PACS2: variants seen among roughly 807,000 people sequenced by gnomAD.
The protein encoded by PACS2 is phosphofurin acidic cluster sorting protein 2.
In PACS2, 36 loss-of-function variants were observed where a neutral mutation model predicts 113.0. That is an observed-to-expected ratio of 0.32 (90% CI 0.24 to 0.42). The LOEUF is 0.42. PACS2 is among the 10% of genes least tolerant of loss of function. The probability of loss-of-function intolerance (pLI) is 1.00; values close to 1 mark genes in which losing one functional copy is unlikely to be tolerated. For missense variants in PACS2, 1,015 were observed against 1,239.5 expected, an observed-to-expected ratio of 0.82 and a Z score of 2.72; for synonymous variants, 589 against 536.1, an observed-to-expected ratio of 1.10 and a Z score of -1.36.
intron 8 of PACS2, among the ~76,000 whole-genome samples, chr14:105,375,935 G>T (rs2061338833): frequency 6.6e-6 from 1 of 152,240 alleles, no homozygotes; most frequent in African/African-American, 2.4e-5. Context: ...ATAAAGGAAA[G>T]AGGTTTAGTT....
At chr14:105,388,700 A>C (rs782365574) in intron 19 of PACS2, 4 of 152,280 alleles carry the variant, frequency 2.6e-5, no homozygotes, top group Non-Finnish European at 5.9e-5. Flanking sequence ...GCTCCTCTGC[A>C]CTGTGTGTGC....
At position 105,376,778 on chromosome 14, in the gene PACS2, C is replaced by T. The variant is rs781996736; in HGVS notation, c.812C>T (p.Ser271Leu). 1.3e-5 allele frequency: 21 copies of T among 1,612,584 alleles called. No individual in the cohort carries two copies. The highest frequency in any genetic ancestry group is 3.3e-5 in the Admixed American group (2 of 59,964). ...RFKVSDEVLD[S>L]EQDPAEHIPE... ...CTGGCACCCGTGCAGGTCCTGGACT[C>T]GGAGCAGGACCCTGCGGAGCACATC... The change falls in exon 9 of 25, where the codon TCG becomes TTG. Residue 271 changes from serine to leucine, a missense_variant. Around this residue, in one of 3 missense-constraint regions of PACS2, gnomAD observed 859 missense variants for 1,056.8 expected, o/e 0.81. Coordinates refer to ENST00000447393, the MANE Select transcript of PACS2 (RefSeq NM_001100913.3). This position sits in a 1 kb window ranked among gnomAD's most constrained non-coding sequence, Gnocchi z 4.7.
chr14:105,392,592 G>A (rs1479908025), intron 22 of PACS2, 27 bp from the exon 23 acceptor site: 2 of 1,565,680 alleles, frequency 1.3e-6, no homozygotes, highest in Non-Finnish European at 1.7e-6. Flanking sequence ...AGATGCAGGT[G>A]TGAATGCCTC....
chr14:105,327,951 C>T (rs2059182465), intron 1 of PACS2, among the ~76,000 whole-genome samples: 1 of 152,190 alleles, frequency 6.6e-6, no homozygotes, highest in South Asian at 2.1e-4. Flanking sequence ...CCGGCCCAGG[C>T]CACCCGAGGG....
chr14:105,365,170 G>C lies in PACS2; in HGVS notation c.424-2043G>C, dbSNP rs1267938063. On this transcript the variant is annotated intron_variant, in intron 4 of 24. Coordinates refer to ENST00000447393, the MANE Select transcript of PACS2 (RefSeq NM_001100913.3). This position sits in a 1 kb window ranked among gnomAD's most constrained non-coding sequence, Gnocchi z 5.1. ...GCATCTGCTGGACTAACCCGGGAGGGTGGTCTCAGGGTCAGCAGGGGCAGG... is the reference window on the plus strand; with the variant it reads ...GCATCTGCTGGACTAACCCGGGAGGCTGGTCTCAGGGTCAGCAGGGGCAGG... Among the ~76,000 whole-genome samples, 1 of 152,230 alleles carries C rather than the reference G, an allele frequency of 6.6e-6. No homozygotes were observed. Among genetic ancestry groups the C allele is most frequent in the African/African-American group, 2.4e-5 (1 of 41,460 alleles).
chr14:105,307,819 T>G (rs922194060), intron 1 of PACS2, among the ~76,000 whole-genome samples: 13 of 152,200 alleles, frequency 8.5e-5, no homozygotes, highest in Non-Finnish European at 2.9e-5. Context: ...AGAAGGCAAG[T>G]CCCTGTTCCT....
At chr14:105,369,999 T>C (rs1317354622) in intron 8 of PACS2, 99 bp downstream of exon 8, 1 of 1,055,372 alleles carries the variant, frequency 9.5e-7, no homozygotes, top group Non-Finnish European at 1.4e-6. Flanking sequence ...CCTCTGGTTC[T>C]GCCGCTCACC....
At chr14:105,341,321 C>G (rs1004318184) in intron 1 of PACS2, among the ~76,000 whole-genome samples, 1 of 152,198 alleles carries the variant, frequency 6.6e-6, no homozygotes, top group African/African-American at 2.4e-5. Context: ...TCACCTATTT[C>G]GAGCAGACAC....
Position 105,391,728 on chromosome 14 carries a change from CTCCTCCCCGTCGGTGAGCGGAGGCCTG to C in PACS2, c.2226_2252del (p.Val744_Ser752del), listed in dbSNP as rs782217706. On this transcript the variant is annotated inframe_deletion, in exon 22 of 25. Coordinates refer to ENST00000447393, the MANE Select transcript of PACS2 (RefSeq NM_001100913.3). ...CCAAGGAGGCCTCACCCACCCCGCC[CTCCTCCCCGTCGGTGAGCGGAGGCCTG>C]TCCTCCCCCAGGTAAAGGTGCCTCA... 1 of 1,598,210 alleles carries C rather than the reference CTCCTCCCCGTCGGTGAGCGGAGGCCTG, an allele frequency of 6.3e-7. No homozygotes were observed. The highest frequency in any genetic ancestry group is 1.1e-5 in the South Asian group (1 of 88,414).
intron 7 of PACS2, among the ~76,000 whole-genome samples, chr14:105,369,629 C>T (rs587745080): frequency 1.8e-4 from 28 of 152,326 alleles, no homozygotes; most frequent in South Asian, 8.3e-4. Context: ...CACGCCTCCC[C>T]GGGTCCCCCT....
chr14:105,333,492 G>A (rs1341950587), intron 1 of PACS2, among the ~76,000 whole-genome samples: 19 of 152,218 alleles, frequency 1.2e-4, no homozygotes, highest in East Asian at 1.9e-4. Flanking sequence ...TCGGCAGAAG[G>A]TTCTGGCTGC....
intron 8 of PACS2, among the ~76,000 whole-genome samples, chr14:105,374,401 A>C (rs1555409970): frequency 2.0e-5 from 3 of 152,168 alleles, no homozygotes; most frequent in Non-Finnish European, 4.4e-5. Flanking sequence ...GTTTTTTGCA[A>C]ATCATATATG....
At chr14:105,331,225 G>C (rs904995218) in intron 1 of PACS2, among the ~76,000 whole-genome samples, 3 of 152,320 alleles carry the variant, frequency 2.0e-5, no homozygotes, top group South Asian at 4.1e-4. Flanking sequence ...AAAGTGCTGG[G>C]ATTACAGGCA....
At chr14:105,344,378 C>T (rs1319551997) in intron 1 of PACS2, among the ~76,000 whole-genome samples, 1 of 151,964 alleles carries the variant, frequency 6.6e-6, no homozygotes, top group Non-Finnish European at 1.5e-5. Flanking sequence ...ACAACCTCTG[C>T]CTCCCCAGTT....
At chr14:105,382,436 G>A (rs782580941) in intron 13 of PACS2, 41 bp from the exon 14 acceptor site, 19 of 1,209,024 alleles carry the variant, frequency 1.6e-5, no homozygotes, top group South Asian at 1.4e-4. Context: ...GATGGGCGCT[G>A]TGCTTCTCTT....
At chr14:105,392,577 C>T (rs1555415196) in intron 22 of PACS2, 42 bp from the exon 23 acceptor site, 1 of 1,512,606 alleles carries the variant, frequency 6.6e-7, no homozygotes, top group Admixed American at 1.9e-5. Flanking sequence ...CATCACTAGG[C>T]CCAAAGATGC....
intron 23 of PACS2, 74 bp from the exon 24 acceptor site, chr14:105,393,148 A>G: frequency 8.6e-7 from 1 of 1,165,106 alleles, no homozygotes. Flanking sequence ...TGCCTCCCCC[A>G]CACGTACCCC....
At chr14:105,346,504 C>A (rs1378658867) in intron 1 of PACS2, among the ~76,000 whole-genome samples, 1 of 130,644 alleles carries the variant, frequency 7.7e-6, no homozygotes, top group Non-Finnish European at 1.6e-5. Flanking sequence ...ACCGCCTGCA[C>A]GGCTCCCCCA....
chr14:105,332,434 C>T (rs2059338270), intron 1 of PACS2, among the ~76,000 whole-genome samples: 1 of 152,184 alleles, frequency 6.6e-6, no homozygotes, highest in Admixed American at 6.5e-5. Context: ...CGGCTGTGTT[C>T]AGGGTGTGCC....
Sources: gnomAD v4.1 joint callset for allele counts (sites outside exome capture counted in the v4.1 genomes callset) on GRCh38, gnomAD v4.1.1 for gene constraint, gnomAD v4.1.1 regional missense constraint, Gnocchi (gnomAD v3.1) non-coding constraint, MANE v1.5 for transcripts, NCBI Gene and HGNC (gene_info 2026-07-23, HGNC 2026-07-21) for gene names.